The following ILDR1 variants were observed in gnomAD, a reference collection of about 807,000 sequenced individuals.
ILDR1 encodes the protein immunoglobulin like domain containing receptor 1.
Under a neutral mutation model 62.4 loss-of-function variants are expected in ILDR1, and 56 were observed. That is an observed-to-expected ratio of 0.90 (90% CI 0.72 to 1.12). The LOEUF is 1.12. Among genes scored for constraint, ILDR1 ranks in the 50% most tolerant of loss-of-function variants. The pLI, the probability that ILDR1 is intolerant of heterozygous loss-of-function variation, is 0.00. For missense variants in ILDR1, 736 were observed against 710.6 expected (o/e 1.04, Z -0.41); for synonymous variants, 284 against 277.8 (o/e 1.02, Z -0.22).
intron 7 of ILDR1, among the ~76,000 whole-genome samples, chr3:121,989,639 G>C (rs1576710686): frequency 1.3e-5 from 2 of 152,190 alleles, no homozygotes; most frequent in African/African-American, 4.8e-5. Flanking sequence ...GTAAAAGCTT[G>C]AAGTTTTTGC....
At chr3:122,059,487 G>A in the ILDR1 span, among the ~76,000 whole-genome samples, 1 of 148,892 alleles carries the variant, frequency 6.7e-6, no homozygotes, top group African/African-American at 2.5e-5. Context: ...AGTGAGCTGA[G>A]ATAGCACCAC....
At chr3:122,011,322 T>C (rs892312604) in intron 1 of ILDR1, among the ~76,000 whole-genome samples, 1 of 151,976 alleles carries the variant, frequency 6.6e-6, no homozygotes, top group Non-Finnish European at 1.5e-5. Flanking sequence ...TGGGGTAGCT[T>C]TGAAGATTGC....
At chr3:122,008,035 A>C (rs1158327217) in intron 1 of ILDR1, among the ~76,000 whole-genome samples, 1 of 152,224 alleles carries the variant, frequency 6.6e-6, no homozygotes, top group African/African-American at 2.4e-5. Flanking sequence ...ACCAGTGCCC[A>C]GTACTGTGCC....
the ILDR1 span, among the ~76,000 whole-genome samples, chr3:122,041,634 G>T: frequency 6.6e-6 from 1 of 151,982 alleles, no homozygotes; most frequent in African/African-American, 2.4e-5. Context: ...TTTTGTTTAA[G>T]TTTATTCCTA....
upstream of ILDR1, among the ~76,000 whole-genome samples, chr3:122,024,195 A>G (rs1479196114): frequency 6.6e-6 from 1 of 152,210 alleles, no homozygotes; most frequent in East Asian, 1.9e-4. Context: ...AAACTAAATG[A>G]AACAATTTTT....
chr3:122,017,572 TA>T (rs927334080), intron 1 of ILDR1, among the ~76,000 whole-genome samples: 1 of 152,110 alleles, frequency 6.6e-6, no homozygotes, highest in Non-Finnish European at 1.5e-5. Context: ...AGAATTCAAT[TA>T]AACAAGACAA....
In ILDR1 at chr3:121,993,472, G is replaced by T. The variant is rs752533948; in HGVS notation, c.1277C>A (p.Ser426Ter). 6.2e-7 allele frequency: 1 copy of T among 1,614,140 alleles called. No homozygotes were observed. The highest frequency in any genetic ancestry group is 8.5e-7 in the Non-Finnish European group (1 of 1,180,058). The change falls in exon 7 of 8, where the codon TCA (serine) becomes TAA (stop). Residue 426 changes from serine (S) to a stop codon, truncating the protein, a stop_gained. Coordinates refer to ENST00000344209, the MANE Select transcript of ILDR1 (RefSeq NM_001199799.2). LOFTEE classifies it high-confidence loss of function. ...SDRDSLSDVP[S>*]SSEARWRPSH... is the part of the protein sequence containing the mutation. ...CGGCCGCCAGCGTGCCTCACTGGAT[G>T]AGGGGACATCGCTTAGGCTGTCCCT... is the stretch of plus-strand genomic sequence containing the variant.
At chr3:121,992,274 T>G (rs2071359871) in intron 7 of ILDR1, among the ~76,000 whole-genome samples, 1 of 152,164 alleles carries the variant, frequency 6.6e-6, no homozygotes, top group South Asian at 2.1e-4. Flanking sequence ...GTAACTTGGA[T>G]TACAGGCACC....
intron 5 of ILDR1, 22 bp downstream of exon 5, chr3:122,001,286 C>T (rs375328614): frequency 2.3e-4 from 364 of 1,614,004 alleles, no homozygotes; most frequent in Non-Finnish European, 2.9e-4. Context: ...CTCCATTCCA[C>T]TGCTTGTCTG....
intron 7 of ILDR1, among the ~76,000 whole-genome samples, chr3:121,991,880 T>C (rs1306088689): frequency 6.6e-6 from 1 of 152,218 alleles, no homozygotes; most frequent in Non-Finnish European, 1.5e-5. Context: ...AGTTGTATCC[T>C]TCAAAGCCTG....
chr3:121,988,485 T>C, intron 7 of ILDR1, 77 bp from the exon 8 acceptor site: 1 of 1,204,614 alleles, frequency 8.3e-7, no homozygotes, highest in Non-Finnish European at 1.2e-6. Context: ...CATAATGTGC[T>C]CTTGATTTAC....
At position 121,996,244 on chromosome 3, in the gene ILDR1, A is replaced by C. The variant is rs193161806; in HGVS notation, c.647-1931T>G. The stretch of plus-strand genomic sequence containing the variant: ...GAGTTGTGCTTCCTCTTTGCTCCTC[A>C]AATGATTTTTTCACTAATGGGACTC... On this transcript the variant is annotated intron_variant, in intron 5 of 7. Coordinates refer to ENST00000344209, the MANE Select transcript of ILDR1 (RefSeq NM_001199799.2). 7.7e-4 allele frequency among the ~76,000 whole-genome samples: 117 copies of C among 152,278 alleles called. No individual in the cohort carries two copies. The East Asian group carries it at 0.022, about 29-fold the overall frequency.
the ILDR1 span, among the ~76,000 whole-genome samples, chr3:122,052,407 T>C: frequency 6.6e-6 from 1 of 152,196 alleles, no homozygotes; most frequent in African/African-American, 2.4e-5. Flanking sequence ...AGTCTGTATC[T>C]GCTGTAGCAA....
chr3:122,001,210 G>A (rs2071519085), intron 5 of ILDR1, 98 bp downstream of exon 5: 1 of 1,362,888 alleles, frequency 7.3e-7, no homozygotes, highest in Non-Finnish European at 1.0e-6. Context: ...GCATGGAGGA[G>A]AACCTGGAAG....
chr3:122,059,138 A>G, the ILDR1 span, among the ~76,000 whole-genome samples: 1 of 152,136 alleles, frequency 6.6e-6, no homozygotes, highest in Non-Finnish European at 1.5e-5. Context: ...GCAGACAAGT[A>G]GATATTTAGG....
the ILDR1 span, among the ~76,000 whole-genome samples, chr3:122,036,475 G>C: frequency 1.3e-5 from 2 of 152,050 alleles, no homozygotes; most frequent in Non-Finnish European, 2.9e-5. Flanking sequence ...TGTAGTCCCA[G>C]CTACTCAGGA....
chr3:122,049,829 C>A, the ILDR1 span, among the ~76,000 whole-genome samples: 1 of 152,116 alleles, frequency 6.6e-6, no homozygotes, highest in African/African-American at 2.4e-5. Context: ...CTAGCTTAGG[C>A]CCTTTTTTCT....
At chr3:122,001,178 C>A in intron 5 of ILDR1, 130 bp downstream of exon 5, 1 of 1,082,560 alleles carries the variant, frequency 9.2e-7, no homozygotes, top group Non-Finnish European at 1.4e-6. Flanking sequence ...CTAATGTCCT[C>A]TGTCCCTATG....
chr3:121,993,701 G>A lies in ILDR1; in HGVS notation c.1048C>T (p.His350Tyr). 1.2e-6 allele frequency: 2 copies of A among 1,614,190 alleles called. No homozygotes were observed. Among genetic ancestry groups the A allele is most frequent in the South Asian group, 2.2e-5 (2 of 91,086 alleles). Reference protein sequence around the residue: ...SSSRRTSDSLHQQWLTPIPSR... With the variant: ...SSSRRTSDSLYQQWLTPIPSR... Reference sequence around the variant, plus strand: ...GGAATTGGGGTGAGCCACTGCTGGTGCAGGGAGTCACTGGTCCTCCTTGAG... The same window carrying A: ...GGAATTGGGGTGAGCCACTGCTGGTACAGGGAGTCACTGGTCCTCCTTGAG... Residue 350 changes from histidine to tyrosine, a missense_variant, in exon 7 of 8, where the codon CAC (histidine) becomes TAC (tyrosine). Coordinates refer to ENST00000344209, the MANE Select transcript of ILDR1 (RefSeq NM_001199799.2).
Sources: allele counts gnomAD v4.1 joint callset (sites outside exome capture counted in the v4.1 genomes callset), GRCh38; gene constraint gnomAD v4.1.1; transcripts MANE v1.5; gene names NCBI Gene and HGNC (gene_info 2026-07-23, HGNC 2026-07-21).